Variants in CATSPERB observed in about 807,000 individuals in gnomAD.
The protein encoded by CATSPERB is cation channel sperm-associated auxiliary subunit beta.
A neutral mutation model predicts 128.3 loss-of-function variants in CATSPERB; 93 were observed. That is an observed-to-expected ratio of 0.72 (90% CI 0.61 to 0.86). The LOEUF is 0.86. CATSPERB is among the 40% of genes least tolerant of loss of function. CATSPERB has a pLI of 0.00. For synonymous variants in CATSPERB, 381 were observed against 448.8 expected (o/e 0.85, Z 1.91); for missense variants, 1,153 against 1,329.5 (o/e 0.87, Z 2.06).
intron 5 of CATSPERB, among the ~76,000 whole-genome samples, chr14:91,714,263 C>G (rs1226349347): frequency 3.2e-5 from 4 of 123,926 alleles, no homozygotes; most frequent in African/African-American, 1.2e-4. Flanking sequence ...AGAGGTCCTA[C>G]CAGTACAATA....
At chr14:91,589,106 C>A (rs1893353546) in intron 24 of CATSPERB, among the ~76,000 whole-genome samples, 2 of 152,148 alleles carry the variant, frequency 1.3e-5, no homozygotes, top group Non-Finnish European at 1.5e-5. Context: ...AATTATTTTA[C>A]CATAAAACCT....
intron 22 of CATSPERB, among the ~76,000 whole-genome samples, chr14:91,597,053 A>AT (rs542312618): frequency 0.13 from 19,389 of 144,758 alleles, 1,341 homozygotes; most frequent in Non-Finnish European, 0.17. Context: ...CGCCCAGCTA[A>AT]TTTTTTTTTT....
chr14:91,632,991 C>G (rs1047279081), intron 17 of CATSPERB, among the ~76,000 whole-genome samples: 7 of 152,104 alleles, frequency 4.6e-5, no homozygotes, highest in Non-Finnish European at 7.4e-5. Flanking sequence ...TACAAACAGA[C>G]CTTGTTAAAC....
intron 21 of CATSPERB, among the ~76,000 whole-genome samples, chr14:91,609,325 C>T (rs745930730): frequency 2.6e-5 from 4 of 152,166 alleles, no homozygotes; most frequent in African/African-American, 9.6e-5. Flanking sequence ...ACATTAGAGC[C>T]ACGAGAGGTC....
rs1895471584 is a variant in CATSPERB, at chr14:91,691,514, G to C, written c.864+9C>G. 3 of 1,596,810 alleles carry C rather than the reference G, an allele frequency of 1.9e-6. No individual in the cohort carries two copies. The highest frequency in any genetic ancestry group is 1.1e-5 in the South Asian group (1 of 87,636). ...TCTAACCAGCCCTGGGAAATATAAA[G>C]CTTCTTACCCTTTCAAAACCACAAA... On this transcript the variant is annotated intron_variant, in intron 10 of 26. Coordinates refer to ENST00000256343, the MANE Select transcript of CATSPERB (RefSeq NM_024764.4).
chr14:91,618,651 A>G (rs796601822), intron 19 of CATSPERB, among the ~76,000 whole-genome samples: 1 of 152,302 alleles, frequency 6.6e-6, no homozygotes, highest in East Asian at 1.9e-4. Context: ...TTTCAAACAA[A>G]ATATTTCACC....
Position 91,624,944 on chromosome 14 carries a change from G to A in CATSPERB, c.1806C>T (p.Ser602=), listed in dbSNP as rs1447062646. Residue 602 remains serine (S), a synonymous_variant, in exon 18 of 27, where the codon TCC becomes TCT. Coordinates refer to ENST00000256343, the MANE Select transcript of CATSPERB (RefSeq NM_024764.4). ...LQHTTPKGFL[S]SVIAEMKEPF... Reference sequence around the variant, plus strand: ...GCTCTTTCATTTCTGCAATAACTGAGGACAAAAATCCTTTAGGAGTCGTAT... The same window carrying A: ...GCTCTTTCATTTCTGCAATAACTGAAGACAAAAATCCTTTAGGAGTCGTAT... The A allele has an allele frequency of 3.1e-6, 5 of 1,611,572 alleles. No homozygotes were observed. The African/African-American group carries it at 6.7e-5, about 22-fold the overall frequency.
In CATSPERB at chr14:91,693,214, A is replaced by G. The variant is rs72629402; in HGVS notation, c.743T>C (p.Val248Ala). The G allele has an allele frequency of 0.05, 81,078 of 1,612,974 alleles. 2,459 individuals carry two copies. Among genetic ancestry groups the G allele is most frequent in the East Asian group, 0.15 (6,785 of 44,834 alleles). Residue 248 changes from valine (V) to alanine (A), a missense_variant, in exon 9 of 27, where the codon GTT becomes GCT. Coordinates refer to ENST00000256343, the MANE Select transcript of CATSPERB (RefSeq NM_024764.4). Reference protein sequence around the residue: ...EYEDLSLVDMVLTNHFLVILT... With the variant: ...EYEDLSLVDMALTNHFLVILT... ...GATAACTAAAAAATGATTCGTTAAA[A>G]CCATATCCACCAATGAAAGGTCTTC... is the stretch of plus-strand genomic sequence containing the variant.
At chr14:91,637,221 C>T (rs1389100879) in intron 16 of CATSPERB, among the ~76,000 whole-genome samples, 2 of 152,132 alleles carry the variant, frequency 1.3e-5, no homozygotes, top group Non-Finnish European at 2.9e-5. Context: ...CTGGAGTTGA[C>T]TTTGTTGCTA....
chr14:91,684,896 T>C (rs1895347188), intron 10 of CATSPERB, among the ~76,000 whole-genome samples: 1 of 151,982 alleles, frequency 6.6e-6, no homozygotes, highest in Admixed American at 6.6e-5. Flanking sequence ...GCATTATAGG[T>C]GTGAGCCACT....
rs971863581 is a variant in CATSPERB at position 91,636,276 on chromosome 14, T to C, written c.1742+149A>G. 9 of 673,076 alleles carry C rather than the reference T, an allele frequency of 1.3e-5. No individual in the cohort carries two copies. In the Admixed American group the frequency reaches 1.8e-4, roughly 13 times the overall value. The allele number at this position is 673,076 out of a possible 1,614,324, so 41.7% of individuals were successfully genotyped here. On this transcript the variant is annotated intron_variant, in intron 17 of 26. Coordinates refer to ENST00000256343, the MANE Select transcript of CATSPERB (RefSeq NM_024764.4). ...TATTCTGGAGGCTGGGGCCAGAGCA[T>C]TGCTTGAGCCTGGGAGATTGAGGCT...
intron 13 of CATSPERB, among the ~76,000 whole-genome samples, chr14:91,671,490 G>A (rs940167527): frequency 4.0e-5 from 6 of 151,572 alleles, no homozygotes; most frequent in African/African-American, 7.3e-5. Context: ...CAGGAGAATC[G>A]CTTGAGCCTG....
chr14:91,607,635 C>T (rs146551080), intron 22 of CATSPERB, among the ~76,000 whole-genome samples: 5 of 152,248 alleles, frequency 3.3e-5, no homozygotes, highest in Non-Finnish European at 5.9e-5. Context: ...TGAATGAGAT[C>T]GGAAGACAGT....
At chr14:91,664,163 C>G (rs775878739) in intron 14 of CATSPERB, among the ~76,000 whole-genome samples, 2 of 151,822 alleles carry the variant, frequency 1.3e-5, no homozygotes, top group African/African-American at 2.4e-5. Context: ...ATAGTTTTGC[C>G]TTTTCCAGAA....
intron 22 of CATSPERB, among the ~76,000 whole-genome samples, chr14:91,607,241 A>G (rs1185303596): frequency 6.6e-6 from 1 of 152,228 alleles, no homozygotes; most frequent in African/African-American, 2.4e-5. Flanking sequence ...TCAGAAAGAC[A>G]AGAAATAAAA....
intron 19 of CATSPERB, among the ~76,000 whole-genome samples, chr14:91,620,610 TAATA>T (rs1894024946): frequency 6.6e-6 from 1 of 152,204 alleles, no homozygotes; most frequent in Non-Finnish European, 1.5e-5. Flanking sequence ...ATTACTTTTG[TAATA>T]AATAAATAGC....
chr14:91,598,907 C>T (rs537996704), intron 22 of CATSPERB, among the ~76,000 whole-genome samples: 167 of 149,330 alleles, frequency 1.1e-3, no homozygotes, highest in African/African-American at 4.0e-3. Flanking sequence ...TGATTCCATA[C>T]TGCTCTTAAC....
At position 91,636,429 on chromosome 14, in the gene CATSPERB, A is replaced by C; in HGVS notation, c.1738T>G (p.Ser580Ala). The C allele has an allele frequency of 6.2e-7, 1 of 1,613,732 alleles. No homozygotes were observed. Among genetic ancestry groups the C allele is most frequent in the Non-Finnish European group, 8.5e-7 (1 of 1,179,834 alleles). Residue 580 changes from serine (S) to alanine (A), a missense_variant, in exon 17 of 27, where the codon TCT becomes GCT. Coordinates refer to ENST00000256343, the MANE Select transcript of CATSPERB (RefSeq NM_024764.4). ...GNIHYGKVIH[S>A]GKTGRAYIRK... Reference sequence around the variant, plus strand: ...TAAATAAATGCATATCACTACCCAGAGTGTATCACTTTTCCATAGTGTATA... The same window carrying C: ...TAAATAAATGCATATCACTACCCAGCGTGTATCACTTTTCCATAGTGTATA...
rs1266892979 is a variant in CATSPERB, at chr14:91,641,450, A to T, written c.1433-2200T>A. Reference sequence around the variant, plus strand: ...GAAGGGATCCAGTTTCCCCAGTACCATTTATTAAATAGGGAATCCTTTCCC... The same window carrying T: ...GAAGGGATCCAGTTTCCCCAGTACCTTTTATTAAATAGGGAATCCTTTCCC... On this transcript the variant is annotated intron_variant, in intron 15 of 26. Transcript: ENST00000256343. 7.9e-5 allele frequency among the ~76,000 whole-genome samples: 12 copies of T among 152,118 alleles called. No individual in the cohort carries two copies. In the East Asian group the frequency reaches 2.3e-3, roughly 29 times the overall value.
Sources: allele counts gnomAD v4.1 joint callset (sites outside exome capture counted in the v4.1 genomes callset), GRCh38; gene constraint gnomAD v4.1.1; transcripts MANE v1.5; gene names NCBI Gene and HGNC (gene_info 2026-07-23, HGNC 2026-07-21).